The following TTC39B variants were observed in gnomAD, a reference collection of about 807,000 sequenced individuals.
TTC39B encodes the protein tetratricopeptide repeat domain 39B.
Under a neutral mutation model 96.6 loss-of-function variants are expected in TTC39B, and 92 were observed. The observed-to-expected ratio is 0.95, with a 90% CI of 0.80 to 1.13. TTC39B has a LOEUF of 1.13. Among genes scored for constraint, TTC39B ranks in the 50% most tolerant of loss-of-function variants. The probability of loss-of-function intolerance (pLI) is 0.00; values close to 1 mark genes in which losing one functional copy is unlikely to be tolerated. For missense variants in TTC39B, 955 were observed against 809.3 expected, an observed-to-expected ratio of 1.18 and a Z score of -2.18; for synonymous variants, 367 against 299.4, an observed-to-expected ratio of 1.23 and a Z score of -2.33.
intron 1 of TTC39B, among the ~76,000 whole-genome samples, chr9:15,301,430 C>A (rs2849049): frequency 0.35 from 53,352 of 152,000 alleles, 9,518 homozygotes; most frequent in African/African-American, 0.4. Context: ...TTAGGACCTG[C>A]CAGGCGTTCA....
Position 15,199,830 on chromosome 9 carries a change from T to C in TTC39B, c.824+31A>G. On this transcript the variant is annotated intron_variant, in intron 8 of 19. Coordinates refer to ENST00000512701, the Ensembl canonical transcript of TTC39B. ...CAAAGGAGTACACAGCACAAAATTA[T>C]TTACAAACCACATCTTACTTTTTAA... is the stretch of plus-strand genomic sequence containing the variant. 4 of 1,294,130 alleles carry C rather than the reference T, an allele frequency of 3.1e-6. No individual in the cohort carries two copies. In the South Asian group the frequency reaches 3.8e-5, roughly 12 times the overall value. The allele number at this position is 1,294,130 out of a possible 1,614,324, so 80.2% of individuals were successfully genotyped here.
Position 15,224,568 on chromosome 9 carries a change from T to A in TTC39B, c.371+1349A>T, listed in dbSNP as rs895552877. The stretch of plus-strand genomic sequence containing the variant: ...ACGTGCATGCTAAAGACTTCCAGTC[T>A]ACAGATGCAGCTTGTTGCTGCCTGT... On this transcript the variant is annotated intron_variant, in intron 3 of 19. Transcript: ENST00000512701. 9 of 152,384 alleles carry A rather than the reference T, an allele frequency of 5.9e-5. No individual in the cohort carries two copies. In the East Asian group the frequency reaches 1.7e-3, roughly 29 times the overall value. 9.4% of individuals were successfully genotyped at this position (152,384 alleles called of 1,614,324 possible).
chr9:15,173,157 C>A (rs1033450398), intron 19 of TTC39B, among the ~76,000 whole-genome samples: 13 of 151,972 alleles, frequency 8.6e-5, no homozygotes, highest in Non-Finnish European at 1.6e-4. Flanking sequence ...ATTGTATATT[C>A]AAATAATGAA....
chr9:15,296,607 G>C (rs939856513), intron 1 of TTC39B, among the ~76,000 whole-genome samples: 1 of 152,134 alleles, frequency 6.6e-6, no homozygotes, highest in Non-Finnish European at 1.5e-5. Context: ...CAATTCTCCT[G>C]CCTCAGCCTC....
chr9:15,267,472 T>C (rs1265442431), intron 2 of TTC39B, among the ~76,000 whole-genome samples: 1 of 152,220 alleles, frequency 6.6e-6, no homozygotes, highest in Non-Finnish European at 1.5e-5. Context: ...CCTAAATGTC[T>C]AACAATGGAG....
At chr9:15,164,037 T>A (rs1451242835) in exon 20 of TTC39B, 1 of 152,242 alleles carries the variant, frequency 6.6e-6, no homozygotes, top group African/African-American at 2.4e-5. Flanking sequence ...TCTTTTTTCT[T>A]GACTTACATT....
chr9:15,239,608 T>G (rs1005721035), intron 2 of TTC39B, among the ~76,000 whole-genome samples: 11 of 152,200 alleles, frequency 7.2e-5, no homozygotes, highest in African/African-American at 2.4e-4. Flanking sequence ...AAATCATCTT[T>G]GCGGCAACTT....
chr9:15,243,636 A>T (rs1822145471), intron 2 of TTC39B, among the ~76,000 whole-genome samples: 1 of 152,216 alleles, frequency 6.6e-6, no homozygotes, highest in South Asian at 2.1e-4. Flanking sequence ...CAGGCTGGGT[A>T]CAGTGCCTCA....
intron 2 of TTC39B, among the ~76,000 whole-genome samples, chr9:15,239,737 C>T (rs1821954467): frequency 6.6e-6 from 1 of 152,086 alleles, no homozygotes; most frequent in African/African-American, 2.4e-5. Context: ...ATGGAAATAA[C>T]AGACACTTGG....
At chr9:15,189,026 T>G (rs753096202) in intron 13 of TTC39B, among the ~76,000 whole-genome samples, 1 of 152,036 alleles carries the variant, frequency 6.6e-6, no homozygotes, top group Non-Finnish European at 1.5e-5. Flanking sequence ...TGGAAAGAGA[T>G]CCAAGACATA....
chr9:15,295,426 T>TA (rs1824337072), intron 1 of TTC39B, among the ~76,000 whole-genome samples: 2 of 152,232 alleles, frequency 1.3e-5, no homozygotes, highest in Non-Finnish European at 2.9e-5. Flanking sequence ...GCAAAGGGTT[T>TA]AGAGTTAGGG....
Position 15,302,891 on chromosome 9 carries a change from C to A in TTC39B, c.240+4193G>T, listed in dbSNP as rs181559053. Among the ~76,000 whole-genome samples the A allele has an allele frequency of 5.9e-4, 89 of 151,866 alleles. 1 individual carries two copies. Among genetic ancestry groups the A allele is most frequent in the Admixed American group, 3.4e-3 (52 of 15,226 alleles). ...GTTTAAAAAGCTATGAACATTTGGC[C>A]GGGCGCAGTGGCTCATGCCTGTAAT... On this transcript the variant is annotated intron_variant, in intron 1 of 19. Transcript: ENST00000512701.
Position 15,253,840 on chromosome 9 carries a change from T to C in TTC39B, c.275+14074A>G, listed in dbSNP as rs1822653304. 3.9e-5 allele frequency among the ~76,000 whole-genome samples: 6 copies of C among 152,306 alleles called. No individual in the cohort carries two copies. In the South Asian group the frequency reaches 1.2e-3, roughly 32 times the overall value. On this transcript the variant is annotated intron_variant, in intron 2 of 19. Transcript: ENST00000512701. ...ACAGACTTCTCTACCCAAAAAAAGA[T>C]AGAATTATATGCCTTAATTTGCTCT...
intron 18 of TTC39B, among the ~76,000 whole-genome samples, chr9:15,175,667 T>G (rs1817897363): frequency 6.6e-6 from 1 of 152,166 alleles, no homozygotes; most frequent in Non-Finnish European, 1.5e-5. Context: ...ATGCATAGCT[T>G]AGCTCACCAG....
At chr9:15,222,640 A>G (rs551246786) in intron 3 of TTC39B, among the ~76,000 whole-genome samples, 3 of 152,292 alleles carry the variant, frequency 2.0e-5, no homozygotes, top group Admixed American at 2.0e-4. Flanking sequence ...GGATTTCCCA[A>G]TGCCAACCTT....
At chr9:15,234,213 G>C (rs1161723004) in intron 2 of TTC39B, among the ~76,000 whole-genome samples, 1 of 151,532 alleles carries the variant, frequency 6.6e-6, no homozygotes, top group Non-Finnish European at 1.5e-5. Flanking sequence ...CCCCGTCTGG[G>C]AAGTGAGGAG....
At chr9:15,224,520 T>C (rs1318751760) in intron 3 of TTC39B, 1 of 152,266 alleles carries the variant, frequency 6.6e-6, no homozygotes, top group African/African-American at 2.4e-5. Context: ...GAAATACAGG[T>C]GTGGTTCATC....
At chr9:15,278,309 T>G (rs1823625054) in intron 1 of TTC39B, among the ~76,000 whole-genome samples, 1 of 152,192 alleles carries the variant, frequency 6.6e-6, no homozygotes, top group Non-Finnish European at 1.5e-5. Context: ...GAAATAAGTA[T>G]ATACAAAAAA....
At chr9:15,264,573 T>C (rs1004926276) in intron 2 of TTC39B, among the ~76,000 whole-genome samples, 2 of 150,310 alleles carry the variant, frequency 1.3e-5, no homozygotes, top group Non-Finnish European at 2.9e-5. Context: ...GAGAATTGCT[T>C]GAACCCAGGA....
Sources: gnomAD v4.1 joint callset for allele counts (sites outside exome capture counted in the v4.1 genomes callset) on GRCh38, gnomAD v4.1.1 for gene constraint, MANE v1.5 for transcripts, NCBI Gene and HGNC (gene_info 2026-07-23, HGNC 2026-07-21) for gene names.